The following RLN1 variants were observed in gnomAD, a reference collection of about 807,000 sequenced individuals.
The protein encoded by RLN1 is prorelaxin H1.
In RLN1, 4 loss-of-function variants were observed where a neutral mutation model predicts 7.2. That is an observed-to-expected ratio of 0.56 (90% CI 0.28 to 1.28). The LOEUF is 1.28. Among genes scored for constraint, RLN1 ranks in the 50% most tolerant of loss-of-function variants. The pLI is 0.11. For synonymous variants in RLN1, 105 were observed against 86.0 expected (o/e 1.22, Z -1.22); for missense variants, 293 against 221.1 (o/e 1.32, Z -2.06).
Position 5,339,838 on chromosome 9 carries a change from C to T in RLN1, c.-92G>A. On this transcript the variant is annotated 5_prime_UTR_variant, in exon 1 of 2. Transcript: ENST00000223862. The stretch of plus-strand genomic sequence containing the variant: ...ACACACCTGGGCCTGTGTGCCTGTC[C>T]CGGGCTTTAGGCTGCTTTCCCTACC... 3.0e-6 allele frequency: 4 copies of T among 1,353,100 alleles called. No homozygotes were observed. The South Asian group carries it at 5.0e-5, about 17-fold the overall frequency. 83.8% of individuals were successfully genotyped at this position (1,353,100 alleles called of 1,614,324 possible). A position where few individuals can be genotyped will look rare whatever the true frequency, so the allele number is the denominator to read the frequency against.
chr9:5,336,099 G>C (rs1265146458), intron 1 of RLN1, among the ~76,000 whole-genome samples: 2 of 152,010 alleles, frequency 1.3e-5, no homozygotes, highest in African/African-American at 2.4e-5. Context: ...GGAGGATAAA[G>C]TTAAAGAGGC....
Position 5,335,114 on chromosome 9 carries a change from C to T in RLN1, c.*137G>A. On this transcript the variant is annotated 3_prime_UTR_variant, in exon 2 of 2. Coordinates refer to ENST00000223862, the MANE Select transcript of RLN1 (RefSeq NM_006911.4). ...CAATCATACAAAGAATATTTTCTTA[C>T]ACACCAAATGAAAAATCTAAACATT... 2 of 535,680 alleles carry T rather than the reference C, an allele frequency of 3.7e-6. No individual in the cohort carries two copies. Among genetic ancestry groups the T allele is most frequent in the African/African-American group, 1.9e-5 (1 of 51,974 alleles). The allele number at this position is 535,680 out of a possible 1,614,324, so 33.2% of individuals were successfully genotyped here.
chr9:5,335,996 G>C (rs1816883305), intron 1 of RLN1, among the ~76,000 whole-genome samples: 1 of 151,972 alleles, frequency 6.6e-6, no homozygotes, highest in Non-Finnish European at 1.5e-5. Context: ...CCATTGCTAA[G>C]CTATGATTTC....
intron 1 of RLN1, among the ~76,000 whole-genome samples, chr9:5,336,290 A>G (rs1005324053): frequency 6.6e-6 from 1 of 152,090 alleles, no homozygotes; most frequent in Admixed American, 6.5e-5. Flanking sequence ...GAAGAGATTC[A>G]TATGTGCTGT....
In RLN1 at chr9:5,335,359, G is replaced by A. The variant is rs1250812413; in HGVS notation, c.450C>T (p.Tyr150=). The change falls in exon 2 of 2, where the codon TAC becomes TAT. Residue 150 remains tyrosine (Y), a synonymous_variant. Transcript: ENST00000223862. ...TTTGAGAATGAGTATCCAAGCCTAA[G>A]TATTTTAATTCTGAAGGATTGCTGT... is the stretch of plus-strand genomic sequence containing the variant. ...AADSNPSELK[Y]LGLDTHSQKK... is the part of the protein sequence containing the mutation. 4 of 1,613,346 alleles carry A rather than the reference G, an allele frequency of 2.5e-6. No homozygotes were observed. The East Asian group carries it at 6.7e-5, about 27-fold the overall frequency.
chr9:5,336,518 C>T (rs1816897397), intron 1 of RLN1, among the ~76,000 whole-genome samples: 1 of 152,046 alleles, frequency 6.6e-6, no homozygotes, highest in Non-Finnish European at 1.5e-5. Flanking sequence ...GTTGAACATT[C>T]ATTACCTGTT....
In RLN1 at chr9:5,335,330, T is replaced by C. The variant is rs1006992470; in HGVS notation, c.479A>G (p.Lys160Arg). 13 of 1,612,420 alleles carry C rather than the reference T, an allele frequency of 8.1e-6. No individual in the cohort carries two copies. Among genetic ancestry groups the C allele is most frequent in the Non-Finnish European group, 1.1e-5 (13 of 1,179,396 alleles). ...YLGLDTHSQK[K>R]RRPYVALFEK... ...AAACAGTGCCACGTAGGGTCGTCTC[T>C]TTTTTTGAGAATGAGTATCCAAGCC... The change falls in exon 2 of 2, where the codon AAG becomes AGG. Residue 160 changes from lysine (K) to arginine (R), a missense_variant. Physicochemically the swap from Lys to Arg is conservative, Grantham distance 26. Coordinates refer to ENST00000223862, the MANE Select transcript of RLN1 (RefSeq NM_006911.4).
Position 5,334,973 on chromosome 9 carries a change from T to G in RLN1, c.*278A>C, listed in dbSNP as rs1816856142. The G allele has an allele frequency of 3.4e-6, 1 of 296,604 alleles. No homozygotes were observed. Among genetic ancestry groups the G allele is most frequent in the African/African-American group, 2.2e-5 (1 of 45,652 alleles). 18.4% of individuals were successfully genotyped at this position (296,604 alleles called of 1,614,324 possible). Reference sequence around the variant, plus strand: ...GTATTGTTATTATGTATGGTTAAAGTGGCAAAGGTTTTATTGTAATTTTAA... The same window carrying G: ...GTATTGTTATTATGTATGGTTAAAGGGGCAAAGGTTTTATTGTAATTTTAA... On this transcript the variant is annotated 3_prime_UTR_variant, in exon 2 of 2. Transcript: ENST00000223862.
Position 5,339,827 on chromosome 9 carries a change from G to A in RLN1, c.-81C>T. The A allele has an allele frequency of 7.0e-7, 1 of 1,419,212 alleles. No individual in the cohort carries two copies. Among genetic ancestry groups the A allele is most frequent in the Non-Finnish European group, 9.9e-7 (1 of 1,012,064 alleles). 87.9% of individuals were successfully genotyped at this position (1,419,212 alleles called of 1,614,324 possible). On this transcript the variant is annotated 5_prime_UTR_variant, in exon 1 of 2. Coordinates refer to ENST00000223862, the MANE Select transcript of RLN1 (RefSeq NM_006911.4). ...TGCTGTGGCCTACACACCTGGGCCT[G>A]TGTGCCTGTCCCGGGCTTTAGGCTG... is the stretch of plus-strand genomic sequence containing the variant.
upstream of RLN1, chr9:5,339,904 T>C: frequency 1.4e-6 from 1 of 714,312 alleles, no homozygotes; most frequent in South Asian, 1.9e-5. Flanking sequence ...ACTCAGCTTT[T>C]AAGGCAAGGT....
chr9:5,337,117 C>T (rs1388632038), intron 1 of RLN1, among the ~76,000 whole-genome samples: 2 of 151,984 alleles, frequency 1.3e-5, no homozygotes, highest in Non-Finnish European at 2.9e-5. Flanking sequence ...GGTTAAATGA[C>T]AGGTTTTGGC....
chr9:5,339,929 C>T, upstream of RLN1: 1 of 626,628 alleles, frequency 1.6e-6, no homozygotes, highest in Non-Finnish European at 2.8e-6. Context: ...AGCTCCACCC[C>T]TTTCCCACAC....
Position 5,335,612 on chromosome 9 carries a change from A to T in RLN1, c.212-15T>A. 2 of 1,555,186 alleles carry T rather than the reference A, an allele frequency of 1.3e-6. No individual in the cohort carries two copies. Among genetic ancestry groups the T allele is most frequent in the Non-Finnish European group, 1.8e-6 (2 of 1,136,104 alleles). On this transcript the variant is annotated splice_polypyrimidine_tract_variant and intron_variant, in intron 1 of 1. Transcript: ENST00000223862. ...TGGTACAATTTCTGTTAAGTTTAAA[A>T]AAAAAGTGTATGTGAAGGCGTATTC...
Position 5,339,623 on chromosome 9 carries a change from C to G in RLN1, c.124G>C (p.Ala42Pro). The part of the protein sequence containing the change: ...IKLCGRELVR[A>P]QIAICGMSTW... ...CTCATGCCGCAAATGGCAATCTGCG[C>G]GCGAACTAATTCGCGGCCGCATAAT... Residue 42 changes from alanine (A) to proline (P), a missense_variant, in exon 1 of 2, where the codon GCG becomes CCG. By Grantham distance (27) the Ala-to-Pro change is conservative (BLOSUM62 -1). Coordinates refer to ENST00000223862, the MANE Select transcript of RLN1 (RefSeq NM_006911.4). 1 of 1,612,424 alleles carries G rather than the reference C, an allele frequency of 6.2e-7. No homozygotes were observed. Among genetic ancestry groups the G allele is most frequent in the Non-Finnish European group, 8.5e-7 (1 of 1,179,978 alleles).
upstream of RLN1, among the ~76,000 whole-genome samples, chr9:5,340,738 A>T (rs893392365): frequency 2.6e-5 from 4 of 152,180 alleles, no homozygotes; most frequent in Admixed American, 2.0e-4. Flanking sequence ...AGATCCACAC[A>T]GTTCTAGATA....
chr9:5,335,381 C>T lies in RLN1; in HGVS notation c.428G>A (p.Ser143Asn), dbSNP rs1816864851. 1 of 1,613,568 alleles carries T rather than the reference C, an allele frequency of 6.2e-7. No homozygotes were observed. The highest frequency in any genetic ancestry group is 2.2e-5 in the East Asian group (1 of 44,860). ...IRNRQSEAADSNPSELKYLGL... is the reference protein window; with the variant it reads ...IRNRQSEAADNNPSELKYLGL... ...TAAGTATTTTAATTCTGAAGGATTG[C>T]TGTCTGCGGCTTCACTTTGCCTATT... Residue 143 changes from serine to asparagine, a missense_variant, in exon 2 of 2, where the codon AGC becomes AAC. By Grantham distance (46) the Ser-to-Asn change is conservative. Transcript: ENST00000223862.
intron 1 of RLN1, among the ~76,000 whole-genome samples, 169 bp from the exon 2 acceptor site, chr9:5,335,766 T>C (rs746299909): frequency 1.3e-5 from 2 of 152,068 alleles, no homozygotes; most frequent in African/African-American, 2.4e-5. Context: ...TTTCTTACAG[T>C]TGGACACCTT....
rs745785450 is a variant in RLN1, at chr9:5,339,606, G to A, written c.141C>T (p.Cys47=). 8 of 1,611,678 alleles carry A rather than the reference G, an allele frequency of 5.0e-6. No individual in the cohort carries two copies. Among genetic ancestry groups the A allele is most frequent in the Admixed American group, 1.7e-5 (1 of 59,856 alleles). The change falls in exon 1 of 2, where the codon TGC becomes TGT. Residue 47 remains cysteine, a synonymous_variant. Transcript: ENST00000223862. ...ACCTTTTGCTCCAGGTGCTCATGCC[G>A]CAAATGGCAATCTGCGCGCGAACTA... is the stretch of plus-strand genomic sequence containing the variant. The part of the protein sequence containing the change: ...RELVRAQIAI[C]GMSTWSKRSL...
In RLN1 at chr9:5,335,411, A is replaced by T. The variant is rs370994666; in HGVS notation, c.398T>A (p.Ile133Asn). The change falls in exon 2 of 2, where the codon ATT (isoleucine) becomes AAT (asparagine). Residue 133 changes from isoleucine to asparagine, a missense_variant. Ile to Asn is a moderately radical substitution (Grantham distance 149). Transcript: ENST00000223862. Reference protein sequence around the residue: ...NLSFEEFKKLIRNRQSEAADS... With the variant: ...NLSFEEFKKLNRNRQSEAADS... ...TGCGGCTTCACTTTGCCTATTGCGA[A>T]TAAGTTTCTTAAATTCTTCAAAGCT... 1 of 1,613,758 alleles carries T rather than the reference A, an allele frequency of 6.2e-7. No individual in the cohort carries two copies. Among genetic ancestry groups the T allele is most frequent in the Admixed American group, 1.7e-5 (1 of 60,000 alleles).
Sources: allele counts gnomAD v4.1 joint callset (sites outside exome capture counted in the v4.1 genomes callset), GRCh38; gene constraint gnomAD v4.1.1; transcripts MANE v1.5; gene names NCBI Gene and HGNC (gene_info 2026-07-23, HGNC 2026-07-21).